Variants in GPR137B observed in about 807,000 individuals in gnomAD.
GPR137B encodes the protein integral membrane protein GPR137B.
A neutral mutation model predicts 42.5 loss-of-function variants in GPR137B; 42 were observed. That is an observed-to-expected ratio of 0.99 (90% CI 0.77 to 1.28). GPR137B has a LOEUF of 1.28. GPR137B is among the 50% of genes most tolerant of loss of function. The pLI is 0.00. For missense variants in GPR137B, 487 were observed against 493.9 expected (o/e 0.99, Z 0.13); for synonymous variants, 218 against 209.7 (o/e 1.04, Z -0.34).
intron 1 of GPR137B, among the ~76,000 whole-genome samples, chr1:236,145,752 CTG>C (rs1403205568): frequency 6.6e-6 from 1 of 152,216 alleles, no homozygotes; most frequent in Non-Finnish European, 1.5e-5. Flanking sequence ...GAGGAGGAAA[CTG>C]AGGCTGAGAG....
At chr1:236,190,663 ACT>A (rs34212426) in intron 5 of GPR137B, among the ~76,000 whole-genome samples, 40,406 of 151,732 alleles carry the variant, frequency 0.27, 5,782 homozygotes, top group East Asian at 0.6. Flanking sequence ...ATTGGCCCCC[ACT>A]CTCTTTTGGC....
At position 236,208,263 on chromosome 1, in the gene GPR137B, TTTTTA is replaced by T. The variant is rs956831806; in HGVS notation, c.*109_*113del. 5 of 1,493,902 alleles carry T rather than the reference TTTTTA, an allele frequency of 3.3e-6. No homozygotes were observed. In the African/African-American group the frequency reaches 5.7e-5, roughly 17 times the overall value. The allele number at this position is 1,493,902 out of a possible 1,614,324, so 92.5% of individuals were successfully genotyped here. ...CTTTTCCTTAAGAAATAGAACTTGA[TTTTTA>T]TTTGTTACAGGTTTCCAATGGCCCC... On this transcript the variant is annotated 3_prime_UTR_variant, in exon 7 of 7. Coordinates refer to ENST00000366592, the MANE Select transcript of GPR137B (RefSeq NM_003272.4).
At chr1:236,199,156 C>T (rs1663424210) in intron 5 of GPR137B, among the ~76,000 whole-genome samples, 1 of 152,070 alleles carries the variant, frequency 6.6e-6, no homozygotes, top group Non-Finnish European at 1.5e-5. Context: ...TTGAGATAAT[C>T]ATATGATTTT....
chr1:236,190,148 C>CTTCTTTTTTTTTTT (rs61093509), intron 5 of GPR137B, among the ~76,000 whole-genome samples: 6 of 119,404 alleles, frequency 5.0e-5, no homozygotes, highest in African/African-American at 1.6e-4. Flanking sequence ...CCTGCTTCTT[C>CTTCTTTTTTTTTTT]TTTTTTTTTT....
intron 2 of GPR137B, among the ~76,000 whole-genome samples, chr1:236,173,697 C>T (rs555829402): frequency 2.6e-4 from 40 of 152,246 alleles, no homozygotes; most frequent in African/African-American, 9.4e-4. Flanking sequence ...CCAGGATGAG[C>T]TATTTATCCT....
intron 1 of GPR137B, among the ~76,000 whole-genome samples, chr1:236,165,520 T>C (rs917509573): frequency 3.3e-5 from 5 of 152,204 alleles, no homozygotes; most frequent in Non-Finnish European, 7.3e-5. Context: ...TCTGTGTTCA[T>C]GTTCATGGGG....
At chr1:236,207,956 T>C (rs1558498746) in intron 6 of GPR137B, 94 bp from the exon 7 acceptor site, 1 of 839,958 alleles carries the variant, frequency 1.2e-6, no homozygotes, top group African/African-American at 1.7e-5. Context: ...ATCTATAGTT[T>C]ACACAAAAAT....
intron 1 of GPR137B, among the ~76,000 whole-genome samples, chr1:236,163,367 A>T (rs1286900341): frequency 6.6e-6 from 1 of 152,120 alleles, no homozygotes; most frequent in Admixed American, 6.5e-5. Context: ...TGGACTGTGG[A>T]CTTTTGGGTT....
rs1416205784 is a variant in GPR137B at position 236,155,591 on chromosome 1, T to G, written c.414+12555T>G. Among the ~76,000 whole-genome samples, 1 of 151,822 alleles carries G rather than the reference T, an allele frequency of 6.6e-6. No homozygotes were observed. Among genetic ancestry groups the G allele is most frequent in the Non-Finnish European group, 1.5e-5 (1 of 67,932 alleles). On this transcript the variant is annotated intron_variant, in intron 1 of 6. Transcript: ENST00000366592. This position sits in a 1 kb window ranked among gnomAD's most constrained non-coding sequence, Gnocchi z 4.6. ...TGCCTGCTGGGCTGACTTATCAATG[T>G]GGGGGCTCAGGGCCACCCTGAGTTC...
At chr1:236,186,280 A>ATATATT (rs1274616319) in intron 5 of GPR137B, among the ~76,000 whole-genome samples, 1 of 85,630 alleles carries the variant, frequency 1.2e-5, no homozygotes, top group Non-Finnish European at 2.2e-5. Context: ...TATATATAAT[A>ATATATT]ATATAAATAA....
chr1:236,151,072 G>T (rs968788045), intron 1 of GPR137B, among the ~76,000 whole-genome samples: 10 of 152,234 alleles, frequency 6.6e-5, no homozygotes, highest in Non-Finnish European at 1.2e-4. Context: ...GCTTTTGTCA[G>T]GCTGTTCCTG....
At chr1:236,199,163 T>G (rs1663424618) in intron 5 of GPR137B, among the ~76,000 whole-genome samples, 1 of 152,216 alleles carries the variant, frequency 6.6e-6, no homozygotes, top group Non-Finnish European at 1.5e-5. Context: ...AATCATATGA[T>G]TTTTGTTTTT....
At chr1:236,145,576 C>A (rs1407141733) in intron 1 of GPR137B, among the ~76,000 whole-genome samples, 1 of 152,154 alleles carries the variant, frequency 6.6e-6, no homozygotes, top group African/African-American at 2.4e-5. Context: ...CCAGGATGGT[C>A]TTGATCTCTT....
rs544053940 is a variant in GPR137B at position 236,172,054 on chromosome 1, A to T, written c.464+3299A>T. On this transcript the variant is annotated intron_variant, in intron 2 of 6. Transcript: ENST00000366592. ...AAACTCCATCTCAAAAAAAAAAAAA[A>T]AAAGTGAGATGTTTAGGCCAGTGAA... 7.2e-5 allele frequency among the ~76,000 whole-genome samples: 11 copies of T among 152,264 alleles called. 1 individual carries two copies. In the East Asian group the frequency reaches 2.1e-3, roughly 29 times the overall value.
Position 236,173,421 on chromosome 1 carries a change from A to AGGAG in GPR137B, c.464+4678_464+4681dup, listed in dbSNP as rs1553363546. 3.0e-3 allele frequency among the ~76,000 whole-genome samples: 433 copies of AGGAG among 144,530 alleles called. 3 individuals carry two copies. The highest frequency in any genetic ancestry group is 4.8e-3 in the Admixed American group (70 of 14,654). 94.8% of individuals were successfully genotyped at this position (144,530 alleles called of 152,430 possible). A position where few individuals can be genotyped will look rare whatever the true frequency, so the allele number is the denominator to read the frequency against. ...GGGAAAGAGAGAGAGAGAGAGAGGA[A>AGGAG]GGAGGGAGGGAGGGAAGGAGGAAGA... is the stretch of plus-strand genomic sequence containing the variant. On this transcript the variant is annotated intron_variant, in intron 2 of 6. Coordinates refer to ENST00000366592, the MANE Select transcript of GPR137B (RefSeq NM_003272.4).
At chr1:236,184,992 C>T (rs1662981389) in intron 5 of GPR137B, among the ~76,000 whole-genome samples, 2 of 152,134 alleles carry the variant, frequency 1.3e-5, no homozygotes, top group Non-Finnish European at 2.9e-5. Context: ...GTCTCGAACT[C>T]CTGACCTCAG....
In GPR137B at chr1:236,192,119, T is replaced by C. The variant is rs535107454; in HGVS notation, c.966+8213T>C. On this transcript the variant is annotated intron_variant, in intron 5 of 6. Transcript: ENST00000366592. ...AACTTCCCAGCGGCTTTGTTTACAC[T>C]GTGAGGGTAAAACCACCTACTCAAG... is the stretch of plus-strand genomic sequence containing the variant. 3.9e-5 allele frequency among the ~76,000 whole-genome samples: 6 copies of C among 152,324 alleles called. No individual in the cohort carries two copies. The East Asian group carries it at 7.7e-4, about 20-fold the overall frequency.
At chr1:236,185,880 C>T (rs1225509555) in intron 5 of GPR137B, among the ~76,000 whole-genome samples, 1 of 151,980 alleles carries the variant, frequency 6.6e-6, no homozygotes, top group East Asian at 1.9e-4. Context: ...ACACTTTCAT[C>T]ATCTCAAAAG....
intron 1 of GPR137B, among the ~76,000 whole-genome samples, chr1:236,161,266 C>T (rs1023285456): frequency 3.9e-5 from 6 of 152,182 alleles, no homozygotes; most frequent in African/African-American, 1.2e-4. Context: ...CTCTCCGCAC[C>T]CTTACCCTGG....
Sources: gnomAD v4.1 joint callset for allele counts (sites outside exome capture counted in the v4.1 genomes callset) on GRCh38, gnomAD v4.1.1 for gene constraint, Gnocchi (gnomAD v3.1) non-coding constraint, MANE v1.5 for transcripts, NCBI Gene and HGNC (gene_info 2026-07-23, HGNC 2026-07-21) for gene names.